Variants in ATXN7L1 observed in about 807,000 individuals in gnomAD.
ATXN7L1 encodes ataxin 7 like 1.
Under a neutral mutation model 70.8 loss-of-function variants are expected in ATXN7L1, and 15 were observed. That is an observed-to-expected ratio of 0.21 (90% CI 0.14 to 0.33). ATXN7L1 has a LOEUF of 0.33. Among genes scored for constraint, ATXN7L1 ranks in the 10% least tolerant of loss-of-function variants. The pLI, the probability that ATXN7L1 is intolerant of heterozygous loss-of-function variation, is 1.00. For missense variants in ATXN7L1, 975 were observed against 1,097.1 expected (o/e 0.89, Z 1.57); for synonymous variants, 440 against 445.1 (o/e 0.99, Z 0.14).
chr7:105,853,656 C>T (rs1299581614), intron 2 of ATXN7L1, among the ~76,000 whole-genome samples: 7 of 148,228 alleles, frequency 4.7e-5, no homozygotes, highest in African/African-American at 1.5e-4. Flanking sequence ...CCCAGTTACT[C>T]GGGAGGCTGA....
chr7:105,873,908 C>T (rs1166048002), intron 2 of ATXN7L1, among the ~76,000 whole-genome samples: 4 of 151,914 alleles, frequency 2.6e-5, no homozygotes, highest in African/African-American at 4.8e-5. Context: ...GGGCAGATCA[C>T]GAGGTCAAGA....
intron 2 of ATXN7L1, among the ~76,000 whole-genome samples, chr7:105,839,726 C>T (rs529971498): frequency 4.8e-4 from 73 of 152,174 alleles, no homozygotes; most frequent in African/African-American, 1.7e-3. Context: ...CTCAGAGAGC[C>T]CATGAACACC....
At chr7:105,615,226 G>C (rs976347212) in intron 9 of ATXN7L1, among the ~76,000 whole-genome samples, 1 of 151,948 alleles carries the variant, frequency 6.6e-6, no homozygotes, top group African/African-American at 2.4e-5. Flanking sequence ...CATTTCACAT[G>C]TAGGTCCTGG....
chr7:105,658,523 CTTT>C (rs36163594), intron 4 of ATXN7L1, among the ~76,000 whole-genome samples: 10 of 107,390 alleles, frequency 9.3e-5, no homozygotes, highest in Admixed American at 3.2e-4. Flanking sequence ...TGGCACATAA[CTTT>C]TTTTTTTTTT....
chr7:105,733,677 T>C lies in ATXN7L1; in HGVS notation c.355+54927A>G, dbSNP rs1423361081. On this transcript the variant is annotated intron_variant, in intron 3 of 11. Transcript: ENST00000419735. ...ATCCATCCATCCATCCATCCATCCA[T>C]CCACCCATCCACCCATCCATCCATT... 2.7e-4 allele frequency among the ~76,000 whole-genome samples: 20 copies of C among 74,368 alleles called. 2 individuals are homozygous for C. The highest frequency in any genetic ancestry group is 1.0e-3 in the South Asian group (2 of 1,962). 48.8% of individuals were successfully genotyped at this position (74,368 alleles called of 152,430 possible). A position where few individuals can be genotyped will look rare whatever the true frequency, so the allele number is the denominator to read the frequency against.
chr7:105,704,998 TAG>T (rs1792971320), intron 3 of ATXN7L1, among the ~76,000 whole-genome samples: 1 of 151,946 alleles, frequency 6.6e-6, no homozygotes, highest in Admixed American at 6.6e-5. Flanking sequence ...CTCAGTTTTG[TAG>T]AGATTATTTT....
chr7:105,823,442 C>T (rs552402695), intron 2 of ATXN7L1, among the ~76,000 whole-genome samples: 3 of 152,268 alleles, frequency 2.0e-5, no homozygotes, highest in African/African-American at 7.2e-5. Flanking sequence ...CTTCTCTTTA[C>T]AGGTTTATGT....
intron 2 of ATXN7L1, among the ~76,000 whole-genome samples, chr7:105,857,318 G>A (rs907689436): frequency 2.0e-5 from 3 of 152,214 alleles, no homozygotes; most frequent in African/African-American, 7.2e-5. Flanking sequence ...ACCATAGACT[G>A]AGATATCTTC....
chr7:105,636,919 T>C (rs17280048), intron 7 of ATXN7L1, among the ~76,000 whole-genome samples: 4,886 of 152,144 alleles, frequency 0.032, 127 homozygotes, highest in East Asian at 0.11. Flanking sequence ...TACAAAGAAG[T>C]TTAAAAGTCG....
intron 3 of ATXN7L1, among the ~76,000 whole-genome samples, chr7:105,742,455 C>T (rs949022912): frequency 3.9e-5 from 6 of 152,202 alleles, no homozygotes; most frequent in African/African-American, 1.4e-4. Context: ...CACAACCACC[C>T]TATTATGTGT....
intron 3 of ATXN7L1, among the ~76,000 whole-genome samples, chr7:105,763,853 T>C (rs542491180): frequency 6.6e-6 from 1 of 151,816 alleles, no homozygotes; most frequent in African/African-American, 2.4e-5. Flanking sequence ...TTTGTTGTTG[T>C]TGTTTGTTTG....
chr7:105,709,573 G>A (rs1793627660), intron 3 of ATXN7L1, among the ~76,000 whole-genome samples: 1 of 152,028 alleles, frequency 6.6e-6, no homozygotes, highest in South Asian at 2.1e-4. Flanking sequence ...CCAGGGTTAG[G>A]TACCAGACAA....
intron 3 of ATXN7L1, among the ~76,000 whole-genome samples, chr7:105,687,970 G>A (rs1425606008): frequency 6.6e-6 from 1 of 152,230 alleles, no homozygotes; most frequent in Non-Finnish European, 1.5e-5. Context: ...CTCTCATAAT[G>A]TTTAACCATG....
At chr7:105,691,960 A>AC (rs1790931718) in intron 3 of ATXN7L1, among the ~76,000 whole-genome samples, 1 of 152,244 alleles carries the variant, frequency 6.6e-6, no homozygotes, top group Admixed American at 6.5e-5. Flanking sequence ...CAGAAAGCGA[A>AC]CCGGCTGCCT....
chr7:105,774,066 C>A (rs1802391189), intron 3 of ATXN7L1, among the ~76,000 whole-genome samples: 1 of 152,124 alleles, frequency 6.6e-6, no homozygotes, highest in South Asian at 2.1e-4. Context: ...CCACCATCAC[C>A]AGTACCCACC....
intron 4 of ATXN7L1, among the ~76,000 whole-genome samples, chr7:105,662,282 T>G (rs1801834835): frequency 6.6e-6 from 1 of 151,930 alleles, no homozygotes; most frequent in South Asian, 2.1e-4. Context: ...TTTTGTATCT[T>G]TAGTAGAGAT....
At chr7:105,736,354 C>G (rs1286692347) in intron 3 of ATXN7L1, among the ~76,000 whole-genome samples, 1 of 152,220 alleles carries the variant, frequency 6.6e-6, no homozygotes, top group African/African-American at 2.4e-5. Context: ...ACAGGTCTGT[C>G]ATTAAAATCC....
intron 3 of ATXN7L1, among the ~76,000 whole-genome samples, chr7:105,734,636 G>GT (rs59456850): frequency 0.08 from 11,424 of 141,938 alleles, 461 homozygotes; most frequent in South Asian, 0.16. Flanking sequence ...CTCCTTTCAT[G>GT]TTTTTTTTTT....
At chr7:105,625,792 A>T (rs1795617873) in intron 7 of ATXN7L1, among the ~76,000 whole-genome samples, 1 of 152,226 alleles carries the variant, frequency 6.6e-6, no homozygotes, top group South Asian at 2.1e-4. Flanking sequence ...ACCAAAATCA[A>T]ACACATCCGC....
Sources: allele counts gnomAD v4.1 joint callset (sites outside exome capture counted in the v4.1 genomes callset), GRCh38; gene constraint gnomAD v4.1.1; transcripts MANE v1.5; gene names NCBI Gene and HGNC (gene_info 2026-07-23, HGNC 2026-07-21).